AGXT2: variants seen among roughly 807,000 people sequenced by gnomAD.
The protein encoded by AGXT2 is alanine--glyoxylate aminotransferase 2, mitochondrial.
Under a neutral mutation model 62.5 loss-of-function variants are expected in AGXT2, and 61 were observed. The observed-to-expected ratio is 0.98, with a 90% CI of 0.79 to 1.21. The LOEUF (loss-of-function observed/expected upper bound fraction) is 1.21, where lower values mean the gene tolerates loss of function less well. Among genes scored for constraint, AGXT2 ranks in the 50% most tolerant of loss-of-function variants. AGXT2 has a pLI of 0.00. For synonymous variants in AGXT2, 243 were observed against 218.7 expected, an observed-to-expected ratio of 1.11 and a Z score of -0.98; for missense variants, 666 against 641.5, an observed-to-expected ratio of 1.04 and a Z score of -0.41.
At chr5:35,022,606 G>T (rs1444344151) in intron 9 of AGXT2, among the ~76,000 whole-genome samples, 1 of 151,190 alleles carries the variant, frequency 6.6e-6, no homozygotes, top group Non-Finnish European at 1.5e-5. Context: ...ATAGCATTGG[G>T]ACATATGCCT....
At chr5:35,047,011 G>T (rs1768240991) in intron 1 of AGXT2, among the ~76,000 whole-genome samples, 1 of 152,212 alleles carries the variant, frequency 6.6e-6, no homozygotes, top group African/African-American at 2.4e-5. Flanking sequence ...AGTCTGAGTA[G>T]ATGGGGAGGG....
Position 34,998,151 on chromosome 5 carries a change from G to A in AGXT2, c.*568C>T, listed in dbSNP as rs7706625. ...CAAATATCAAGAGGCCCTGAGGTAG[G>A]GTGGCTCCAGGAATGCTTAAGTGAG... is the stretch of plus-strand genomic sequence containing the variant. On this transcript the variant is annotated 3_prime_UTR_variant, in exon 14 of 14. Transcript: ENST00000231420. 4.3e-3 allele frequency: 681 copies of A among 158,560 alleles called. 6 individuals carry two copies. Among genetic ancestry groups the A allele is most frequent in the African/African-American group, 0.016 (650 of 41,590 alleles). The allele number at this position is 158,560 out of a possible 1,614,324, so 9.8% of individuals were successfully genotyped here. A position where few individuals can be genotyped will look rare whatever the true frequency, so the allele number is the denominator to read the frequency against.
intron 9 of AGXT2, among the ~76,000 whole-genome samples, chr5:35,021,604 TA>T (rs1463983576): frequency 2.0e-5 from 3 of 151,590 alleles, no homozygotes; most frequent in Non-Finnish European, 4.4e-5. Flanking sequence ...ACGTTAGACC[TA>T]AAACCATAAA....
intron 12 of AGXT2, among the ~76,000 whole-genome samples, chr5:35,004,802 C>T (rs567095231): frequency 6.6e-6 from 1 of 152,276 alleles, no homozygotes; most frequent in East Asian, 1.9e-4. Flanking sequence ...ACTTCCTACC[C>T]ACCCTCAGTC....
intron 9 of AGXT2, among the ~76,000 whole-genome samples, chr5:35,023,528 C>T (rs899270237): frequency 6.6e-6 from 1 of 152,218 alleles, no homozygotes; most frequent in Non-Finnish European, 1.5e-5. Context: ...TTGAATTCAG[C>T]CTACCTTCTC....
At chr5:35,022,239 C>G (rs1767130851) in intron 9 of AGXT2, among the ~76,000 whole-genome samples, 1 of 151,992 alleles carries the variant, frequency 6.6e-6, no homozygotes, top group Non-Finnish European at 1.5e-5. Flanking sequence ...ACCCAAAGGA[C>G]TATAAATCAC....
At chr5:35,012,511 G>C (rs1304195239) in intron 11 of AGXT2, 1 of 218,124 alleles carries the variant, frequency 4.6e-6, no homozygotes, top group Non-Finnish European at 9.3e-6. Context: ...TGGTGTAGGG[G>C]TGAACAGCTG....
At chr5:35,015,985 G>A (rs1432677493) in intron 9 of AGXT2, among the ~76,000 whole-genome samples, 1 of 151,802 alleles carries the variant, frequency 6.6e-6, no homozygotes, top group Non-Finnish European at 1.5e-5. Flanking sequence ...GAGTCAGACA[G>A]ACCTGGGCTG....
chr5:35,010,651 C>T (rs1766604190), intron 11 of AGXT2, among the ~76,000 whole-genome samples: 1 of 152,078 alleles, frequency 6.6e-6, no homozygotes, highest in Admixed American at 6.6e-5. Flanking sequence ...CGCCACTGCA[C>T]TCCAGCCTGG....
intron 12 of AGXT2, among the ~76,000 whole-genome samples, chr5:35,006,447 A>G (rs970545324): frequency 1.3e-5 from 2 of 152,190 alleles, no homozygotes; most frequent in African/African-American, 4.8e-5. Flanking sequence ...GAACCTTACA[A>G]TCATGGCAGA....
intron 1 of AGXT2, among the ~76,000 whole-genome samples, chr5:35,041,323 C>T (rs897781382): frequency 7.2e-6 from 1 of 137,942 alleles, no homozygotes; most frequent in Non-Finnish European, 1.6e-5. Flanking sequence ...AGGGACCTTA[C>T]ATTTGTGTGT....
intron 9 of AGXT2, among the ~76,000 whole-genome samples, chr5:35,020,263 A>C (rs1767016855): frequency 6.6e-6 from 1 of 152,202 alleles, no homozygotes; most frequent in Non-Finnish European, 1.5e-5. Flanking sequence ...GGGCAGAGAC[A>C]CAACCAAAAA....
chr5:35,025,735 C>T (rs927672699), intron 9 of AGXT2, 28 bp downstream of exon 9: 1 of 1,609,720 alleles, frequency 6.2e-7, no homozygotes, highest in South Asian at 1.1e-5. Flanking sequence ...TCCCACTGCA[C>T]TCAATGGCAC....
intron 9 of AGXT2, among the ~76,000 whole-genome samples, chr5:35,023,260 A>G: frequency 6.6e-6 from 1 of 152,096 alleles, no homozygotes; most frequent in East Asian, 1.9e-4. Context: ...GCAGCATGAG[A>G]AAGGACTAAT....
rs141248389 is a variant in AGXT2 at position 35,014,227 on chromosome 5, G to A, written c.964-108C>T. ...CCAGCACTTTAGGAGGCTGAAGCAG[G>A]TGGATCATGAGGTCAGGAGTTCAAG... is the stretch of plus-strand genomic sequence containing the variant. On this transcript the variant is annotated intron_variant, in intron 9 of 13. Transcript: ENST00000231420. 1.8e-3 allele frequency: 2,699 copies of A among 1,468,680 alleles called. 42 individuals carry two copies. The African/African-American group carries it at 0.031, about 17-fold the overall frequency. 91.0% of individuals were successfully genotyped at this position (1,468,680 alleles called of 1,614,324 possible). A position where few individuals can be genotyped will look rare whatever the true frequency, so the allele number is the denominator to read the frequency against.
chr5:35,028,063 C>T (rs1767426344), intron 7 of AGXT2, among the ~76,000 whole-genome samples: 1 of 151,764 alleles, frequency 6.6e-6, no homozygotes, highest in Admixed American at 6.6e-5. Context: ...TGGCTGGGCC[C>T]TGGACTTCGT....
intron 5 of AGXT2, among the ~76,000 whole-genome samples, chr5:35,034,264 A>G (rs567317897): frequency 6.6e-6 from 1 of 152,142 alleles, no homozygotes; most frequent in Non-Finnish European, 1.5e-5. Context: ...AAGGAGACAA[A>G]ATGTGTGTTG....
chr5:35,019,096 G>A, intron 9 of AGXT2, among the ~76,000 whole-genome samples: 1 of 86,134 alleles, frequency 1.2e-5, no homozygotes, highest in African/African-American at 6.1e-5. Flanking sequence ...GACCTACAAA[G>A]AGACTTAGAC....
rs780913602 is a variant in AGXT2, at chr5:35,003,749, A to G, written c.1437+14T>C. 5.0e-6 allele frequency: 8 copies of G among 1,609,942 alleles called. No individual in the cohort carries two copies. The Admixed American group carries it at 1.2e-4, about 23-fold the overall frequency. ...CTACCTAGAGCGATAGGTAAAAACC[A>G]GTCTTTCTCTTACCTGAGAAAAAAT... On this transcript the variant is annotated intron_variant, in intron 13 of 13. Transcript: ENST00000231420.
Sources: allele counts gnomAD v4.1 joint callset (sites outside exome capture counted in the v4.1 genomes callset), GRCh38; gene constraint gnomAD v4.1.1; transcripts MANE v1.5; gene names NCBI Gene and HGNC (gene_info 2026-07-23, HGNC 2026-07-21).